KAZN: variants seen among roughly 807,000 people sequenced by gnomAD.
KAZN encodes the protein kazrin, periplakin interacting protein, also known as kazrin.
A neutral mutation model predicts 87.4 loss-of-function variants in KAZN; 40 were observed. The observed-to-expected ratio is 0.46, with a 90% CI of 0.36 to 0.60. The LOEUF (loss-of-function observed/expected upper bound fraction) is 0.60. KAZN is among the 20% of genes least tolerant of loss of function. KAZN has a pLI of 0.00. For missense variants in KAZN, 898 were observed against 1,073.9 expected (o/e 0.84, Z 2.29); for synonymous variants, 466 against 458.3 (o/e 1.02, Z -0.22).
At chr1:15,027,070 CTTTTTTTTTTTTT>C (rs71000358) in intron 2 of KAZN, among the ~76,000 whole-genome samples, 1 of 56,116 alleles carries the variant, frequency 1.8e-5, no homozygotes, top group Non-Finnish European at 3.1e-5. Context: ...GCCAGTGCTT[CTTTTTTTTTTTTT>C]TTTTTTTTTT....
rs1158083365 is a variant in KAZN, at chr1:14,808,360, G to A, written c.227-152324G>A. Among the ~76,000 whole-genome samples, 7 of 130,996 alleles carry A rather than the reference G, an allele frequency of 5.3e-5. No individual in the cohort carries two copies. In the South Asian group the frequency reaches 7.2e-4, roughly 13 times the overall value. 85.9% of individuals were successfully genotyped at this position (130,996 alleles called of 152,430 possible). Reference sequence around the variant, plus strand: ...ACCCCAGGCTGGAGTGCAGTGGTTCGATCTCAGTTCACCGCAACCTCTGCC... The same window carrying A: ...ACCCCAGGCTGGAGTGCAGTGGTTCAATCTCAGTTCACCGCAACCTCTGCC... On this transcript the variant is annotated intron_variant, in intron 1 of 14. Transcript: ENST00000376030.
chr1:14,552,900 A>C (rs1034448709), intron 2 of KAZN, among the ~76,000 whole-genome samples: 1 of 152,178 alleles, frequency 6.6e-6, no homozygotes, highest in Admixed American at 6.5e-5. Context: ...TGTGTGAGAC[A>C]ATAAGGCTGG....
At chr1:14,963,528 C>T (rs531425462) in intron 2 of KAZN, among the ~76,000 whole-genome samples, 4 of 152,318 alleles carry the variant, frequency 2.6e-5, no homozygotes, top group South Asian at 2.1e-4. Context: ...ACTTCAGTGG[C>T]GGTGACAGCA....
chr1:14,841,648 T>C (rs1648033136), intron 1 of KAZN, among the ~76,000 whole-genome samples: 1 of 152,138 alleles, frequency 6.6e-6, no homozygotes. Context: ...GACGTCACAT[T>C]GGCTTAACAT....
chr1:14,988,353 C>G (rs991061304), intron 2 of KAZN, among the ~76,000 whole-genome samples: 1 of 152,238 alleles, frequency 6.6e-6, no homozygotes, highest in East Asian at 1.9e-4. Flanking sequence ...AGACACGGAG[C>G]CCCCAGGGGC....
chr1:13,996,072 G>A (rs1639500671), intron 1 of KAZN, among the ~76,000 whole-genome samples: 1 of 146,694 alleles, frequency 6.8e-6, no homozygotes, highest in Non-Finnish European at 1.5e-5. Context: ...CCACGGAGAG[G>A]AAGGAAGAGC....
At chr1:14,160,292 C>T (rs1645682333) in intron 1 of KAZN, among the ~76,000 whole-genome samples, 1 of 152,170 alleles carries the variant, frequency 6.6e-6, no homozygotes. Context: ...TTAATGTTCC[C>T]TCAGTGGGCA....
rs1172968300 is a variant in KAZN, at chr1:14,949,718, C to T, written c.227-10966C>T. ...TGGAGGTCTGCGATTCCTTGACTTC[C>T]CCAGGACATCCCTGCTTCTGAGCCT... On this transcript the variant is annotated intron_variant, in intron 1 of 14. Transcript: ENST00000376030. This position sits in a 1 kb window ranked among gnomAD's most constrained non-coding sequence, Gnocchi z 4.3. Among the ~76,000 whole-genome samples, 2 of 152,194 alleles carry T rather than the reference C, an allele frequency of 1.3e-5. No individual in the cohort carries two copies. Among genetic ancestry groups the T allele is most frequent in the Non-Finnish European group, 2.9e-5 (2 of 68,038 alleles).
rs150892359 is a variant in KAZN, at chr1:14,210,910, A to G, written c.249+30318A>G. ...TCTGTGACAATATCACACTGTTCATATGTCAATGTAGCCTCTGGAAAACTC... is the reference window on the plus strand; with the variant it reads ...TCTGTGACAATATCACACTGTTCATGTGTCAATGTAGCCTCTGGAAAACTC... On this transcript the variant is annotated intron_variant, in intron 2 of 16. Coordinates refer to the KAZN transcript ENST00000636203. Among the ~76,000 whole-genome samples, 990 of 152,278 alleles carry G rather than the reference A, an allele frequency of 6.5e-3. 11 individuals are homozygous for G. The highest frequency in any genetic ancestry group is 0.023 in the African/African-American group (937 of 41,564).
intron 1 of KAZN, among the ~76,000 whole-genome samples, chr1:14,007,361 C>T (rs1285753367): frequency 3.3e-5 from 5 of 152,120 alleles, no homozygotes; most frequent in East Asian, 3.8e-4. Flanking sequence ...CTTGCTAGTA[C>T]TTTCAAGTAC....
At chr1:14,069,225 C>G (rs943487003) in intron 1 of KAZN, among the ~76,000 whole-genome samples, 2 of 152,222 alleles carry the variant, frequency 1.3e-5, no homozygotes, top group African/African-American at 4.8e-5. Context: ...CTGCATTACA[C>G]AGTGCATCTT....
chr1:14,006,465 A>C (rs1640041680), intron 1 of KAZN, among the ~76,000 whole-genome samples: 1 of 152,132 alleles, frequency 6.6e-6, no homozygotes, highest in African/African-American at 2.4e-5. Flanking sequence ...ATTTTCTACG[A>C]ATTTTACAGT....
chr1:14,974,134 G>T (rs569672747), intron 2 of KAZN, among the ~76,000 whole-genome samples: 1 of 152,048 alleles, frequency 6.6e-6, no homozygotes, highest in African/African-American at 2.4e-5. Flanking sequence ...GTCAGACTTT[G>T]TACATGGATG....
At chr1:13,940,233 T>C (rs1262577448) in intron 1 of KAZN, among the ~76,000 whole-genome samples, 3 of 152,142 alleles carry the variant, frequency 2.0e-5, no homozygotes, top group African/African-American at 7.2e-5. Context: ...GCACATCTGA[T>C]AGAATTCAGC....
At chr1:14,910,291 A>G (rs1190364131) in intron 1 of KAZN, among the ~76,000 whole-genome samples, 2 of 152,298 alleles carry the variant, frequency 1.3e-5, no homozygotes, top group East Asian at 3.9e-4. Context: ...ACAATGACAG[A>G]AAAGGACTTG....
chr1:13,904,886 T>C (rs1639378998), intron 1 of KAZN, among the ~76,000 whole-genome samples: 5 of 152,342 alleles, frequency 3.3e-5, no homozygotes, highest in South Asian at 4.1e-4. Flanking sequence ...AGAAATTCCT[T>C]TGTGACTTGT....
chr1:14,877,720 C>A (rs991122661), intron 1 of KAZN, among the ~76,000 whole-genome samples: 2 of 152,168 alleles, frequency 1.3e-5, no homozygotes, highest in Non-Finnish European at 2.9e-5. Flanking sequence ...GTGCCTACTG[C>A]GTGAGCCTGT....
chr1:15,010,639 C>T (rs908741136), intron 2 of KAZN, among the ~76,000 whole-genome samples: 5 of 152,176 alleles, frequency 3.3e-5, no homozygotes, highest in African/African-American at 1.2e-4. Flanking sequence ...TGATCACCCA[C>T]CTTGGCCTCC....
intron 1 of KAZN, among the ~76,000 whole-genome samples, chr1:14,950,030 T>C (rs16851049): frequency 0.15 from 22,312 of 151,958 alleles, 1,748 homozygotes; most frequent in South Asian, 0.24. Context: ...AAACAGTTAC[T>C]GTGCAATATG....
Sources: gnomAD v4.1 joint callset for allele counts (sites outside exome capture counted in the v4.1 genomes callset) on GRCh38, gnomAD v4.1.1 for gene constraint, Gnocchi (gnomAD v3.1) non-coding constraint, MANE v1.5 for transcripts, NCBI Gene and HGNC (gene_info 2026-07-23, HGNC 2026-07-21) for gene names.